OXSR1: variants seen among roughly 807,000 people sequenced by gnomAD.
OXSR1 encodes the protein oxidative stress responsive kinase 1.
In OXSR1, 24 loss-of-function variants were observed where a neutral mutation model predicts 79.8. The ratio of observed to expected loss-of-function variants is 0.30; its 90% CI spans 0.22 to 0.42. The LOEUF (loss-of-function observed/expected upper bound fraction) is 0.42. Ranked by LOEUF, OXSR1 falls within the 10% of genes least tolerant of loss-of-function variation. OXSR1 has a pLI of 1.00. For synonymous variants in OXSR1, 226 were observed against 209.2 expected (o/e 1.08, Z -0.69); for missense variants, 430 against 618.4 (o/e 0.70, Z 3.23).
intron 5 of OXSR1, among the ~76,000 whole-genome samples, chr3:38,217,265 T>C (rs113097208): frequency 3.4e-3 from 515 of 152,334 alleles, no homozygotes; most frequent in Non-Finnish European, 5.5e-3. Context: ...TTGACAGTAC[T>C]AATTGTTGGT....
At chr3:38,174,282 G>C (rs768037150) in intron 1 of OXSR1, among the ~76,000 whole-genome samples, 17 of 152,068 alleles carry the variant, frequency 1.1e-4, no homozygotes, top group African/African-American at 4.1e-4. Flanking sequence ...CCTGACTTTC[G>C]TTTTAAAACT....
rs115563457 is a variant in OXSR1 at position 38,177,438 on chromosome 3, G to A, written c.71-5565G>A. Among the ~76,000 whole-genome samples, 1,194 of 152,320 alleles carry A rather than the reference G, an allele frequency of 7.8e-3. 7 individuals are homozygous for A. Among genetic ancestry groups the A allele is most frequent in the Non-Finnish European group, 0.011 (728 of 68,030 alleles). On this transcript the variant is annotated intron_variant, in intron 1 of 17. Coordinates refer to ENST00000311806, the MANE Select transcript of OXSR1 (RefSeq NM_005109.3). Reference sequence around the variant, plus strand: ...AGATCAACTGCAAACTATTTCAATAGTAGCCTGTTGAATGATTTTTATCAA... The same window carrying A: ...AGATCAACTGCAAACTATTTCAATAATAGCCTGTTGAATGATTTTTATCAA...
intron 15 of OXSR1, 127 bp downstream of exon 15, chr3:38,250,145 C>T (rs562162414): frequency 7.5e-6 from 5 of 665,166 alleles, no homozygotes; most frequent in Middle Eastern, 3.5e-4. Context: ...CTGGTTTTGG[C>T]GAGTATATGA....
intron 7 of OXSR1, 131 bp from the exon 8 acceptor site, chr3:38,224,440 C>A (rs963711661): frequency 2.6e-5 from 17 of 653,822 alleles, no homozygotes; most frequent in Non-Finnish European, 4.2e-5. Flanking sequence ...ACAACTGATT[C>A]AGATATGAAC....
At chr3:38,172,178 C>T (rs1227221556) in intron 1 of OXSR1, among the ~76,000 whole-genome samples, 1 of 152,126 alleles carries the variant, frequency 6.6e-6, no homozygotes, top group African/African-American at 2.4e-5. Flanking sequence ...GATGTGAAAG[C>T]TTGTGACACT....
chr3:38,217,407 G>C (rs887221628), intron 5 of OXSR1, among the ~76,000 whole-genome samples: 2 of 152,130 alleles, frequency 1.3e-5, no homozygotes, highest in Admixed American at 1.3e-4. Context: ...AGAGAAACTC[G>C]TCCGTATCTG....
chr3:38,175,489 C>T (rs927840319), intron 1 of OXSR1, among the ~76,000 whole-genome samples: 1 of 152,052 alleles, frequency 6.6e-6, no homozygotes. Context: ...TTTGTAGAGA[C>T]GGGGTTTTAC....
chr3:38,237,103 T>C (rs1327152801), intron 11 of OXSR1, 142 bp downstream of exon 11: 1 of 674,394 alleles, frequency 1.5e-6, no homozygotes, highest in East Asian at 2.9e-5. Flanking sequence ...TAATTCTGCA[T>C]GGAAAGTTGG....
At chr3:38,182,893 G>A (rs1322236015) in intron 1 of OXSR1, 110 bp from the exon 2 acceptor site, 14 of 584,998 alleles carry the variant, frequency 2.4e-5, no homozygotes, top group South Asian at 7.0e-5. Flanking sequence ...TCTGTTATGC[G>A]CTGTAGGAAC....
chr3:38,250,364 CA>C (rs1703231501), intron 15 of OXSR1, among the ~76,000 whole-genome samples: 1 of 152,104 alleles, frequency 6.6e-6, no homozygotes, highest in African/African-American at 2.4e-5. Context: ...GACTTAAAGG[CA>C]AAGTAACTTG....
At chr3:38,166,911 T>C (rs1336480985) in intron 1 of OXSR1, among the ~76,000 whole-genome samples, 1 of 152,116 alleles carries the variant, frequency 6.6e-6, no homozygotes, top group Non-Finnish European at 1.5e-5. Flanking sequence ...CAAGGAAAAT[T>C]CTTTTTCTGA....
intron 1 of OXSR1, among the ~76,000 whole-genome samples, chr3:38,178,620 A>ATTTTTTTTTTT (rs71085303): frequency 1.1e-5 from 1 of 95,126 alleles, no homozygotes; most frequent in Non-Finnish European, 2.0e-5. Flanking sequence ...ATATATATAT[A>ATTTTTTTTTTT]TTTTTTTTTT....
Position 38,242,761 on chromosome 3 carries a change from T to C in OXSR1, c.1093T>C (p.Ser365Pro). The change falls in exon 12 of 18, where the codon TCA (serine) becomes CCA (proline). Residue 365 changes from serine (S) to proline (P), a missense_variant. This residue lies in a region of OXSR1 where 276 missense variants were observed against 354.2 expected (regional missense o/e 0.78). Transcript: ENST00000311806. Reference protein sequence around the residue: ...SQLRSPRVKESISNSELFPTT... With the variant: ...SQLRSPRVKEPISNSELFPTT... ...CGTTTAGTCTCCCCGAGTGAAAGAA[T>C]CAATATCAAATTCTGAGGTAAGTAA... 6.4e-7 allele frequency: 1 copy of C among 1,563,384 alleles called. No homozygotes were observed. Among genetic ancestry groups the C allele is most frequent in the Non-Finnish European group, 8.8e-7 (1 of 1,142,500 alleles).
chr3:38,246,094 C>G lies in OXSR1; in HGVS notation c.1130C>G (p.Pro377Arg). The G allele has an allele frequency of 1.2e-6, 2 of 1,613,720 alleles. No homozygotes were observed. The highest frequency in any genetic ancestry group is 2.2e-5 in the South Asian group (2 of 91,068). ...SNSELFPTTD[P>R]VGTLLQVPEQ... ...TTACAGCTCTTTCCAACAACTGATC[C>G]TGTGGGTACTTTGCTCCAAGTTCCA... The change falls in exon 13 of 18, where the codon CCT becomes CGT. Residue 377 changes from proline (P) to arginine (R), a missense_variant. Around this residue, in one of 3 missense-constraint regions of OXSR1, gnomAD observed 276 missense variants for 354.2 expected, o/e 0.78. Coordinates refer to ENST00000311806, the MANE Select transcript of OXSR1 (RefSeq NM_005109.3).
chr3:38,175,784 G>A (rs990617299), intron 1 of OXSR1, among the ~76,000 whole-genome samples: 2 of 152,212 alleles, frequency 1.3e-5, no homozygotes, highest in Non-Finnish European at 2.9e-5. Context: ...GCTGTGTGAC[G>A]TAGGCTAACG....
At chr3:38,168,671 T>G (rs1208756581) in intron 1 of OXSR1, among the ~76,000 whole-genome samples, 1 of 152,232 alleles carries the variant, frequency 6.6e-6, no homozygotes, top group East Asian at 1.9e-4. Flanking sequence ...TTGCAGTTAC[T>G]CCCTGTTCCC....
intron 1 of OXSR1, among the ~76,000 whole-genome samples, chr3:38,170,305 C>A (rs886673647): frequency 6.6e-6 from 1 of 152,192 alleles, no homozygotes; most frequent in African/African-American, 2.4e-5. Flanking sequence ...CTCGGCCTCC[C>A]AAAGTGTTGG....
At chr3:38,250,158 GA>G in intron 15 of OXSR1, 140 bp downstream of exon 15, 1 of 626,180 alleles carries the variant, frequency 1.6e-6, no homozygotes, top group East Asian at 2.8e-5. Flanking sequence ...GTATATGAGT[GA>G]GATAAAAATG....
intron 1 of OXSR1, among the ~76,000 whole-genome samples, chr3:38,174,284 T>G (rs1701637914): frequency 6.6e-6 from 1 of 152,130 alleles, no homozygotes; most frequent in Non-Finnish European, 1.5e-5. Flanking sequence ...TGACTTTCGT[T>G]TTAAAACTCA....
Sources: gnomAD v4.1 joint callset for allele counts (sites outside exome capture counted in the v4.1 genomes callset) on GRCh38, gnomAD v4.1.1 for gene constraint, gnomAD v4.1.1 regional missense constraint, MANE v1.5 for transcripts, NCBI Gene and HGNC (gene_info 2026-07-23, HGNC 2026-07-21) for gene names.